Variants in EDIL3 observed in about 807,000 individuals in gnomAD.
EDIL3 encodes EGF-like repeat and discoidin I-like domain-containing protein 3.
In EDIL3, 37 loss-of-function variants were observed where a neutral mutation model predicts 67.4. The observed-to-expected ratio is 0.55, with a 90% confidence interval of 0.42 to 0.72. EDIL3 has a LOEUF of 0.72. Among genes scored for constraint, EDIL3 ranks in the 30% least tolerant of loss-of-function variants. The probability of loss-of-function intolerance (pLI) is 0.00; values close to 1 mark genes in which losing one functional copy is unlikely to be tolerated. For missense variants in EDIL3, 527 were observed against 586.3 expected (o/e 0.90, Z 1.04); for synonymous variants, 195 against 196.3 (o/e 0.99, Z 0.05).
chr5:84,250,466 G>C (rs1266588509), intron 2 of EDIL3, among the ~76,000 whole-genome samples: 1 of 152,242 alleles, frequency 6.6e-6, no homozygotes, highest in African/African-American at 2.4e-5. Context: ...GAATGCAAGT[G>C]ATGTGAGTAT....
chr5:84,183,750 C>T (rs183517002), intron 3 of EDIL3, among the ~76,000 whole-genome samples: 2 of 152,122 alleles, frequency 1.3e-5, no homozygotes, highest in African/African-American at 4.8e-5. Context: ...CAGGGTTGGA[C>T]GAGGGAGGAA....
chr5:84,348,279 C>T (rs1747274038), intron 1 of EDIL3, among the ~76,000 whole-genome samples: 1 of 152,038 alleles, frequency 6.6e-6, no homozygotes, highest in Admixed American at 6.6e-5. Context: ...AGGTAATTTC[C>T]TCTCATTTCT....
rs1580075519 is a variant in EDIL3, at chr5:84,319,189, T to C, written c.68-64977A>G. Among the ~76,000 whole-genome samples, 2 of 123,766 alleles carry C rather than the reference T, an allele frequency of 1.6e-5. 1 individual carries two copies. The highest frequency in any genetic ancestry group is 3.7e-5 in the Non-Finnish European group (2 of 53,822). The allele number at this position is 123,766 out of a possible 152,430, so 81.2% of individuals were successfully genotyped here. ...AGAGGATGTGAAGAAATAGGAATGC[T>C]TGGCCGGGCGCGGTGGCTCACGCCT... is the stretch of plus-strand genomic sequence containing the variant. On this transcript the variant is annotated intron_variant, in intron 1 of 10. Transcript: ENST00000296591.
At chr5:83,977,672 T>C (rs990618930) in intron 9 of EDIL3, among the ~76,000 whole-genome samples, 8 of 151,860 alleles carry the variant, frequency 5.3e-5, no homozygotes, top group Admixed American at 1.3e-4. Flanking sequence ...TCTTTTACTA[T>C]AACAATTTTT....
Position 84,295,010 on chromosome 5 carries a change from G to A in EDIL3, c.68-40798C>T, listed in dbSNP as rs147480818. The stretch of plus-strand genomic sequence containing the variant: ...TATTACTTACACATTTCAGCAAAGT[G>A]CAAGTTTTCTGGAGTATTTATCTTG... On this transcript the variant is annotated intron_variant, in intron 1 of 10. Transcript: ENST00000296591. 1.9e-3 allele frequency among the ~76,000 whole-genome samples: 292 copies of A among 152,216 alleles called. 6 individuals carry two copies. The highest frequency in any genetic ancestry group is 0.015 in the Admixed American group (235 of 15,292).
rs191260128 is a variant in EDIL3, at chr5:84,013,030, T to G, written c.1137+47270A>C. 5.3e-5 allele frequency among the ~76,000 whole-genome samples: 8 copies of G among 152,084 alleles called. No individual in the cohort carries two copies. The East Asian group carries it at 1.5e-3, about 29-fold the overall frequency. On this transcript the variant is annotated intron_variant, in intron 9 of 10. Transcript: ENST00000296591. ...TAAACATATCGCTGGCAGATTCAAA[T>G]AATTTAAAATGTTTTGTTTCAGACA...
At chr5:84,158,247 T>C (rs1748529389) in intron 4 of EDIL3, among the ~76,000 whole-genome samples, 1 of 152,052 alleles carries the variant, frequency 6.6e-6, no homozygotes, top group Non-Finnish European at 1.5e-5. Context: ...TTCACAAAAA[T>C]GGGTAACCTT....
chr5:84,109,238 G>A (rs1747515518), intron 5 of EDIL3, among the ~76,000 whole-genome samples: 1 of 152,176 alleles, frequency 6.6e-6, no homozygotes, highest in Admixed American at 6.5e-5. Flanking sequence ...GGGCGCAGTG[G>A]CTCATGTCTG....
At chr5:84,107,180 A>G (rs1478280224) in intron 5 of EDIL3, among the ~76,000 whole-genome samples, 1 of 152,134 alleles carries the variant, frequency 6.6e-6, no homozygotes, top group African/African-American at 2.4e-5. Flanking sequence ...GGAGATTAGC[A>G]TGCCTCACAA....
At chr5:84,241,640 G>C (rs2112058859) in intron 2 of EDIL3, among the ~76,000 whole-genome samples, 1 of 150,260 alleles carries the variant, frequency 6.7e-6, no homozygotes, top group Non-Finnish European at 1.5e-5. Flanking sequence ...AAAATTAAAA[G>C]CTGACAACTA....
chr5:84,304,654 T>C (rs1746229342), intron 1 of EDIL3, among the ~76,000 whole-genome samples: 2 of 152,226 alleles, frequency 1.3e-5, no homozygotes, highest in Non-Finnish European at 1.5e-5. Flanking sequence ...GAATGTCATA[T>C]AAAGGATCTG....
intron 8 of EDIL3, among the ~76,000 whole-genome samples, chr5:84,064,305 G>C (rs914307404): frequency 6.6e-6 from 1 of 152,144 alleles, no homozygotes; most frequent in Non-Finnish European, 1.5e-5. Flanking sequence ...ACTTTTCTGT[G>C]TTACATAGCT....
In EDIL3 at chr5:83,944,997, T is replaced by C. The variant is rs148207270; in HGVS notation, c.1294-1429A>G. ...AGCCTTCTAGGCTAGATTGGTTCAG[T>C]CTTATACGGCCACAAATGTTCTCCT... On this transcript the variant is annotated intron_variant, in intron 10 of 10. Transcript: ENST00000296591. Among the ~76,000 whole-genome samples the C allele has an allele frequency of 1.4e-3, 218 of 152,062 alleles. 1 individual carries two copies. Among genetic ancestry groups the C allele is most frequent in the African/African-American group, 5.1e-3 (213 of 41,522 alleles).
intron 9 of EDIL3, among the ~76,000 whole-genome samples, chr5:84,053,695 C>G (rs1746385522): frequency 1.3e-5 from 2 of 152,182 alleles, no homozygotes; most frequent in Non-Finnish European, 2.9e-5. Context: ...TGCAAATAAA[C>G]TAGAAAATCT....
At chr5:84,190,549 A>G (rs200699315) in intron 3 of EDIL3, among the ~76,000 whole-genome samples, 6,205 of 134,834 alleles carry the variant, frequency 0.046, 339 homozygotes, top group African/African-American at 0.13. Flanking sequence ...ATATATATAT[A>G]TATGTGTGTG....
chr5:84,220,807 T>C (rs1251016932), intron 3 of EDIL3, among the ~76,000 whole-genome samples: 1 of 152,214 alleles, frequency 6.6e-6, no homozygotes, highest in East Asian at 1.9e-4. Context: ...AGAGTGATCT[T>C]GGGACTCTTG....
intron 1 of EDIL3, among the ~76,000 whole-genome samples, chr5:84,254,926 G>C (rs1007172264): frequency 7.9e-5 from 12 of 152,122 alleles, no homozygotes; most frequent in Non-Finnish European, 1.2e-4. Flanking sequence ...TGAAAAGCTA[G>C]AAAAATGGCT....
intron 9 of EDIL3, among the ~76,000 whole-genome samples, chr5:84,046,624 C>A (rs560016441): frequency 6.6e-6 from 1 of 152,246 alleles, no homozygotes; most frequent in Admixed American, 6.5e-5. Context: ...AAAGCCTTTA[C>A]AAATGCTCAT....
At position 83,943,286 on chromosome 5, in the gene EDIL3, C is replaced by T. The variant is rs898692328; in HGVS notation, c.*133G>A. 8.1e-7 allele frequency: 1 copy of T among 1,231,042 alleles called. No homozygotes were observed. Among genetic ancestry groups the T allele is most frequent in the Non-Finnish European group, 1.1e-6 (1 of 889,148 alleles). The allele number at this position is 1,231,042 out of a possible 1,614,324, so 76.3% of individuals were successfully genotyped here. On this transcript the variant is annotated 3_prime_UTR_variant, in exon 11 of 11. Transcript: ENST00000296591. ...ACCCCCTTAAAAACACCGTTAGTTG[C>T]CTACCATAATTTGAGCACTTTTTCA...
Sources: gnomAD v4.1 joint callset for allele counts (sites outside exome capture counted in the v4.1 genomes callset) on GRCh38, gnomAD v4.1.1 for gene constraint, MANE v1.5 for transcripts, NCBI Gene and HGNC (gene_info 2026-07-23, HGNC 2026-07-21) for gene names.